SAXO5: variants seen among roughly 807,000 people sequenced by gnomAD.
SAXO5 encodes stabilizer of axonemal microtubules 5, also known as testis expressed 45.
At chr19:7,504,462 C>G in the SAXO5 span, 1 of 1,452,012 alleles carries the variant, frequency 6.9e-7, no homozygotes, top group South Asian at 1.1e-5. Context: ...AATCCCAGCA[C>G]TTTGGGAGGC....
the SAXO5 span, chr19:7,504,151 C>T: frequency 1.9e-5 from 31 of 1,613,808 alleles, no homozygotes; most frequent in Middle Eastern, 1.6e-4. Flanking sequence ...TGGGACTACA[C>T]GAGACAAGAT....
At chr19:7,504,174 C>A in the SAXO5 span, 31 of 1,613,882 alleles carry the variant, frequency 1.9e-5, no homozygotes, top group Non-Finnish European at 2.5e-5. Flanking sequence ...GACTTCCTAC[C>A]AAAGACAGTT....
At chr19:7,500,303 AT>A in the SAXO5 span, among the ~76,000 whole-genome samples, 26 of 150,970 alleles carry the variant, frequency 1.7e-4, no homozygotes, top group African/African-American at 6.1e-4. Context: ...CACATGAAAG[AT>A]TTTTTTTTAT....
chr19:7,500,673 T>G, the SAXO5 span: 1 of 673,024 alleles, frequency 1.5e-6, no homozygotes, highest in Non-Finnish European at 2.3e-6. Context: ...TTTCCCGTGA[T>G]GTCCCCAGCC....
At chr19:7,506,397 A>C in the SAXO5 span, 2 of 527,528 alleles carry the variant, frequency 3.8e-6, no homozygotes, top group Admixed American at 3.1e-5. Context: ...CCCCCAATTG[A>C]CCAGAACCCC....
chr19:7,501,215 C>T, the SAXO5 span: 1 of 1,547,892 alleles, frequency 6.5e-7, no homozygotes, highest in Non-Finnish European at 8.6e-7. Context: ...CGCACGCCGC[C>T]TACGGCTGGC....
At chr19:7,504,976 C>CTT in the SAXO5 span, among the ~76,000 whole-genome samples, 5 of 138,480 alleles carry the variant, frequency 3.6e-5, no homozygotes, top group African/African-American at 1.4e-4. Flanking sequence ...TCTTCTTCTT[C>CTT]TTTTTTTTTT....
the SAXO5 span, chr19:7,500,979 A>G: frequency 6.5e-7 from 1 of 1,539,382 alleles, no homozygotes; most frequent in Non-Finnish European, 8.7e-7. Flanking sequence ...CCCGGCTGCC[A>G]CCCGGGAGCC....
chr19:7,501,334 C>T, the SAXO5 span: 12 of 1,564,436 alleles, frequency 7.7e-6, no homozygotes, highest in South Asian at 1.3e-4. Context: ...CCGCCCACCA[C>T]GCACCAGGCG....
At chr19:7,508,136 C>A in the SAXO5 span, 2 of 1,340,736 alleles carry the variant, frequency 1.5e-6, no homozygotes, top group Non-Finnish European at 2.1e-6. Context: ...GCCTGGAGAT[C>A]CTGGGGTGGA....
At chr19:7,500,450 C>T in the SAXO5 span, among the ~76,000 whole-genome samples, 2 of 150,834 alleles carry the variant, frequency 1.3e-5, no homozygotes, top group East Asian at 2.0e-4. Flanking sequence ...TACGGGCGCC[C>T]ACCACCACTC....
the SAXO5 span, among the ~76,000 whole-genome samples, chr19:7,500,088 T>G: frequency 6.6e-6 from 1 of 152,078 alleles, no homozygotes; most frequent in Non-Finnish European, 1.5e-5. Context: ...AGCTATTACC[T>G]TCTAACCTAC....
At chr19:7,504,093 T>TCTCTCTCG in the SAXO5 span, 1 of 1,498,658 alleles carries the variant, frequency 6.7e-7, no homozygotes, top group Non-Finnish European at 9.3e-7. Flanking sequence ...TCTCTCTCTC[T>TCTCTCTCG]CCCCCCATCC....
At chr19:7,504,771 T>G in the SAXO5 span, among the ~76,000 whole-genome samples, 2 of 151,868 alleles carry the variant, frequency 1.3e-5, no homozygotes, top group African/African-American at 4.8e-5. Context: ...CAACTGGCTT[T>G]CAGTAGCATG....
chr19:7,504,132 A>G, the SAXO5 span: 3 of 1,612,272 alleles, frequency 1.9e-6, no homozygotes, highest in South Asian at 2.2e-5. Flanking sequence ...GGGCCCCAAC[A>G]CCCTCAAGTG....
At chr19:7,508,348 C>T in the SAXO5 span, 6 of 1,613,820 alleles carry the variant, frequency 3.7e-6, no homozygotes, top group Admixed American at 1.7e-5. Flanking sequence ...CCCCTGGGCA[C>T]GCCTCACCAG....
At chr19:7,505,152 T>A in the SAXO5 span, among the ~76,000 whole-genome samples, 1 of 152,008 alleles carries the variant, frequency 6.6e-6, no homozygotes, top group Non-Finnish European at 1.5e-5. Context: ...CCCGGCTAAT[T>A]TTGTATTTTT....
chr19:7,505,146 G>A, the SAXO5 span, among the ~76,000 whole-genome samples: 10 of 152,156 alleles, frequency 6.6e-5, no homozygotes, highest in African/African-American at 2.4e-4. Flanking sequence ...ACCATGCCCG[G>A]CTAATTTTGT....
the SAXO5 span, chr19:7,504,247 C>T: frequency 6.2e-7 from 1 of 1,613,690 alleles, no homozygotes; most frequent in Non-Finnish European, 8.5e-7. Flanking sequence ...TGTGTTGGGG[C>T]TGCAGGCGGG....
Sources: allele counts gnomAD v4.1 joint callset (sites outside exome capture counted in the v4.1 genomes callset), GRCh38; gene constraint gnomAD v4.1.1; transcripts MANE v1.5; gene names NCBI Gene and HGNC (gene_info 2026-07-23, HGNC 2026-07-21).